The following NAF1 variants were observed in gnomAD, a reference collection of about 807,000 sequenced individuals.
NAF1 encodes nuclear assembly factor 1 ribonucleoprotein.
A neutral mutation model predicts 40.6 loss-of-function variants in NAF1; 11 were observed. The observed-to-expected ratio is 0.27, with a 90% CI of 0.17 to 0.45. The LOEUF (loss-of-function observed/expected upper bound fraction) is 0.45, where lower values mean the gene tolerates loss of function less well. Ranked by LOEUF, NAF1 falls within the 20% of genes least tolerant of loss-of-function variation. The pLI is 1.00. For synonymous variants in NAF1, 260 were observed against 228.5 expected (o/e 1.14, Z -1.24); for missense variants, 607 against 611.1 (o/e 0.99, Z 0.07).
chr4:163,110,830 T>C (rs1269577652), intron 2 of NAF1, among the ~76,000 whole-genome samples: 1 of 152,174 alleles, frequency 6.6e-6, no homozygotes, highest in East Asian at 1.9e-4. Context: ...TATTTAGTCT[T>C]AGGAACCTGG....
At chr4:163,143,853 G>T in intron 4 of NAF1, 1 of 185,280 alleles carries the variant, frequency 5.4e-6, no homozygotes, top group Non-Finnish European at 1.0e-5. Flanking sequence ...CAATCACTTT[G>T]TGCTTTTTTC....
At chr4:163,130,260 A>T (rs1730819484) in intron 7 of NAF1, among the ~76,000 whole-genome samples, 1 of 152,220 alleles carries the variant, frequency 6.6e-6, no homozygotes, top group South Asian at 2.1e-4. Flanking sequence ...AAAAAAATAA[A>T]TCAAGCAAGG....
chr4:163,153,921 C>A (rs545018674), intron 2 of NAF1, among the ~76,000 whole-genome samples: 2 of 152,128 alleles, frequency 1.3e-5, no homozygotes, highest in Admixed American at 6.6e-5. Flanking sequence ...TAACACTCAC[C>A]GCGAAGATCT....
chr4:163,126,296 AT>A (rs1401450800), downstream of NAF1, among the ~76,000 whole-genome samples: 28 of 152,328 alleles, frequency 1.8e-4, no homozygotes, highest in African/African-American at 5.3e-4. Flanking sequence ...ACCATTTAAG[AT>A]GTCATTAAGA....
chr4:163,137,403 G>C (rs1731102515), intron 5 of NAF1, among the ~76,000 whole-genome samples, 153 bp from the exon 6 acceptor site: 1 of 152,108 alleles, frequency 6.6e-6, no homozygotes, highest in African/African-American at 2.4e-5. Context: ...TATTTCAAAA[G>C]ATGTGGGAAG....
intron 4 of NAF1, chr4:163,141,935 C>T: frequency 1.0e-6 from 1 of 981,674 alleles, no homozygotes; most frequent in African/African-American, 1.7e-5. Flanking sequence ...GCTCACCTAT[C>T]AGGGCACCAC....
At chr4:163,125,553 A>G (rs1730631703), downstream of NAF1, among the ~76,000 whole-genome samples, 1 of 152,228 alleles carries the variant, frequency 6.6e-6, no homozygotes, top group South Asian at 2.1e-4. Context: ...GGCTGAGAGA[A>G]ACCGCAGAGG....
intron 2 of NAF1, among the ~76,000 whole-genome samples, chr4:163,163,505 A>G (rs1267896797): frequency 2.6e-5 from 4 of 152,154 alleles, no homozygotes; most frequent in East Asian, 3.9e-4. Flanking sequence ...AAAAAAAACA[A>G]TGTGATAATA....
chr4:163,163,579 C>A (rs1732317583), intron 2 of NAF1, among the ~76,000 whole-genome samples: 1 of 151,564 alleles, frequency 6.6e-6, no homozygotes, highest in Non-Finnish European at 1.5e-5. Context: ...ATCAGACTAA[C>A]ATCATCCTCC....
chr4:163,165,115 T>G (rs367749404), intron 1 of NAF1, among the ~76,000 whole-genome samples: 2 of 152,314 alleles, frequency 1.3e-5, no homozygotes, highest in East Asian at 3.9e-4. Context: ...ATGACATCTC[T>G]AAACTCCATG....
rs183505083 is a variant in NAF1, at chr4:163,137,072, G to C, written c.930+127C>G. 7.6e-4 allele frequency: 764 copies of C among 1,002,758 alleles called. 5 individuals carry two copies. In the African/African-American group the frequency reaches 0.01, roughly 13 times the overall value. 62.1% of individuals were successfully genotyped at this position (1,002,758 alleles called of 1,614,324 possible). ...GGACGGTGAGAGAATACATGCGCTA[G>C]GACAGGATAAGGCAGTATGGCTGCT... On this transcript the variant is annotated intron_variant, in intron 6 of 7. Coordinates refer to ENST00000274054, the MANE Select transcript of NAF1 (RefSeq NM_138386.3).
At chr4:163,154,586 G>A (rs1001198201) in intron 2 of NAF1, among the ~76,000 whole-genome samples, 2 of 152,068 alleles carry the variant, frequency 1.3e-5, no homozygotes, top group African/African-American at 4.8e-5. Flanking sequence ...TAAGAGAGGA[G>A]GACAGGCCAG....
At chr4:163,123,190 A>G (rs1292464143), downstream of NAF1, among the ~76,000 whole-genome samples, 1 of 152,154 alleles carries the variant, frequency 6.6e-6, no homozygotes. Flanking sequence ...GGTGAGTGTG[A>G]GCAAGAGAGG....
intron 2 of NAF1, among the ~76,000 whole-genome samples, chr4:163,149,926 G>A (rs1560799435): frequency 6.6e-6 from 1 of 152,088 alleles, no homozygotes; most frequent in South Asian, 2.1e-4. Flanking sequence ...AATTGTGAGG[G>A]GAGTTTCACA....
At chr4:163,133,567 G>A in intron 6 of NAF1, 1 of 239,300 alleles carries the variant, frequency 4.2e-6, no homozygotes, top group Non-Finnish European at 8.1e-6. Flanking sequence ...AGAGTATCAA[G>A]GACTAAGCAA....
intron 6 of NAF1, among the ~76,000 whole-genome samples, chr4:163,134,179 T>C (rs184258581): frequency 9.1e-4 from 139 of 152,284 alleles, no homozygotes; most frequent in African/African-American, 3.1e-3. Context: ...CTATTAATTA[T>C]TCTATTAATT....
At chr4:163,159,139 C>T (rs892601223) in intron 2 of NAF1, among the ~76,000 whole-genome samples, 6 of 151,988 alleles carry the variant, frequency 3.9e-5, no homozygotes, top group Admixed American at 1.3e-4. Flanking sequence ...ATACACAGGA[C>T]ATAAATGGAT....
chr4:163,133,101 TA>T, intron 7 of NAF1, 52 bp downstream of exon 7: 1 of 1,406,078 alleles, frequency 7.1e-7, no homozygotes, highest in Non-Finnish European at 1.0e-6. Flanking sequence ...TTGATAAACT[TA>T]TATAGATGTA....
At chr4:163,151,709 ATTTT>A (rs1254494728) in intron 2 of NAF1, among the ~76,000 whole-genome samples, 4 of 151,954 alleles carry the variant, frequency 2.6e-5, no homozygotes, top group Admixed American at 2.6e-4. Flanking sequence ...TCCCCTTGGA[ATTTT>A]TTTTAACTGT....
Sources: allele counts gnomAD v4.1 joint callset (sites outside exome capture counted in the v4.1 genomes callset), GRCh38; gene constraint gnomAD v4.1.1; transcripts MANE v1.5; gene names NCBI Gene and HGNC (gene_info 2026-07-23, HGNC 2026-07-21).